The following AFF3 variants were observed in gnomAD, a reference collection of about 807,000 sequenced individuals.
AFF3 encodes AF4/FMR2 family member 3.
A neutral mutation model predicts 129.7 loss-of-function variants in AFF3; 32 were observed. The observed-to-expected ratio is 0.25, with a 90% confidence interval of 0.19 to 0.33. AFF3 has a LOEUF of 0.33. Among genes scored for constraint, AFF3 ranks in the 10% least tolerant of loss-of-function variants. The pLI, the probability that AFF3 is intolerant of heterozygous loss-of-function variation, is 1.00. For synonymous variants in AFF3, 644 were observed against 635.4 expected, an observed-to-expected ratio of 1.01 and a Z score of -0.20; for missense variants, 1,373 against 1,592.0, an observed-to-expected ratio of 0.86 and a Z score of 2.34.
intron 8 of AFF3, among the ~76,000 whole-genome samples, chr2:99,765,822 G>C (rs1682963693): frequency 6.6e-6 from 1 of 152,006 alleles, no homozygotes. Context: ...CAAACAGAAG[G>C]CTTAATAAAA....
intron 8 of AFF3, among the ~76,000 whole-genome samples, chr2:99,783,565 G>C (rs563113785): frequency 6.6e-6 from 1 of 152,190 alleles, no homozygotes; most frequent in African/African-American, 2.4e-5. Context: ...CTGTCCTAAG[G>C]ACTAAGCCAT....
chr2:99,980,645 T>C (rs928452491), intron 7 of AFF3, among the ~76,000 whole-genome samples: 1 of 152,242 alleles, frequency 6.6e-6, no homozygotes, highest in African/African-American at 2.4e-5. Flanking sequence ...TCTGTATCAA[T>C]TTTCCTTTAT....
intron 8 of AFF3, among the ~76,000 whole-genome samples, chr2:99,796,311 A>C (rs1278104656): frequency 6.6e-6 from 1 of 152,254 alleles, no homozygotes; most frequent in East Asian, 1.9e-4. Flanking sequence ...TGTGCTAACA[A>C]ATACATTACT....
intron 12 of AFF3, among the ~76,000 whole-genome samples, chr2:99,670,746 G>A (rs182071651): frequency 7.9e-5 from 12 of 152,236 alleles, no homozygotes; most frequent in Admixed American, 6.5e-4. Flanking sequence ...ACTATCATAC[G>A]CAAAACCACT....
chr2:99,863,489 T>C (rs1163896359), intron 7 of AFF3, among the ~76,000 whole-genome samples: 1 of 152,190 alleles, frequency 6.6e-6, no homozygotes, highest in African/African-American at 2.4e-5. Context: ...CTATATAAAG[T>C]ATCTTAAATA....
Position 99,546,345 on chromosome 2 carries a change from TGAG to T in AFF3, c.*5126_*5128del, listed in dbSNP as rs1674073314. 8.6e-6 allele frequency: 2 copies of T among 232,984 alleles called. No individual in the cohort carries two copies. The highest frequency in any genetic ancestry group is 1.7e-5 in the Non-Finnish European group (2 of 117,876). The allele number at this position is 232,984 out of a possible 1,614,324, so 14.4% of individuals were successfully genotyped here. ...GTTCCTGTCCCACCCATCTCTGGGA[TGAG>T]GAGTTCTCCATGGTGACCCTGAGTC... is the stretch of plus-strand genomic sequence containing the variant. On this transcript the variant is annotated 3_prime_UTR_variant, in exon 25 of 25. Coordinates refer to ENST00000672756, the MANE Select transcript of AFF3 (RefSeq NM_001386135.1).
chr2:99,791,951 T>C (rs1391729335), intron 8 of AFF3, among the ~76,000 whole-genome samples: 1 of 152,118 alleles, frequency 6.6e-6, no homozygotes, highest in African/African-American at 2.4e-5. Flanking sequence ...GCATCAGATA[T>C]GCTTCATTTG....
intron 4 of AFF3, among the ~76,000 whole-genome samples, chr2:100,045,322 G>C (rs1231565267): frequency 1.3e-5 from 2 of 152,144 alleles, no homozygotes; most frequent in Admixed American, 1.3e-4. Flanking sequence ...TTTTCTTCTC[G>C]TTCTGCCTCT....
At chr2:99,729,548 C>T (rs1450732703) in intron 10 of AFF3, among the ~76,000 whole-genome samples, 1 of 152,030 alleles carries the variant, frequency 6.6e-6, no homozygotes, top group Admixed American at 6.6e-5. Context: ...TTTTGTCCTT[C>T]AGAAAGAATA....
chr2:99,549,693 C>T lies in AFF3; in HGVS notation c.*1781G>A, dbSNP rs747470936. ...AGGCCAAAGCCAAATGCAAATTCCA[C>T]AAGCCCTTCTTATTTTCAATTAATT... On this transcript the variant is annotated 3_prime_UTR_variant, in exon 25 of 25. Transcript: ENST00000672756. 1.6e-4 allele frequency: 34 copies of T among 215,686 alleles called. No individual in the cohort carries two copies. The highest frequency in any genetic ancestry group is 2.6e-4 in the Non-Finnish European group (28 of 107,096). 13.4% of individuals were successfully genotyped at this position (215,686 alleles called of 1,614,324 possible).
intron 7 of AFF3, among the ~76,000 whole-genome samples, chr2:99,895,902 C>T: frequency 6.6e-6 from 1 of 151,840 alleles, no homozygotes; most frequent in Non-Finnish European, 1.5e-5. Context: ...AACCCCATCT[C>T]TACTAAAAAT....
At position 99,601,732 on chromosome 2, in the gene AFF3, T is replaced by C. The variant is rs1261158615; in HGVS notation, c.1185-111A>G. On this transcript the variant is annotated intron_variant, in intron 13 of 24. Transcript: ENST00000672756. ...CTAAAGAGGGAGGAGGCACGCAGCC[T>C]ACACATCTGTCAACCATGACCTGGA... The C allele has an allele frequency of 1.1e-5, 14 of 1,276,790 alleles. No homozygotes were observed. In the East Asian group the frequency reaches 3.2e-4, roughly 29 times the overall value. The allele number at this position is 1,276,790 out of a possible 1,614,324, so 79.1% of individuals were successfully genotyped here. A position where few individuals can be genotyped will look rare whatever the true frequency, so the allele number is the denominator to read the frequency against.
At chr2:99,925,252 A>T (rs185540530) in intron 7 of AFF3, among the ~76,000 whole-genome samples, 1 of 151,538 alleles carries the variant, frequency 6.6e-6, no homozygotes, top group African/African-American at 2.4e-5. Flanking sequence ...ATTATTGTAC[A>T]TTTTTTTTCC....
rs34506074 is a variant in AFF3, at chr2:100,006,668, G to A, written c.837C>T (p.Ala279=). 23,623 of 1,611,978 alleles carry A rather than the reference G, an allele frequency of 0.015. 419 individuals are homozygous for A. Among genetic ancestry groups the A allele is most frequent in the African/African-American group, 0.08 (5,968 of 74,994 alleles). The change falls in exon 7 of 25, where the codon GCC becomes GCT. Residue 279 remains alanine (A), a synonymous_variant. Coordinates refer to ENST00000672756, the MANE Select transcript of AFF3 (RefSeq NM_001386135.1). ...TGGGGATGCTGAACTTGGAGAGCTT[G>A]GCCTTGGCTCTGGCAGGCTCCGGCT... The part of the protein sequence containing the change: ...ASKPEPARAK[A]KLSKFSIPKQ...
At chr2:100,069,075 T>C (rs1687962852) in intron 4 of AFF3, among the ~76,000 whole-genome samples, 1 of 148,978 alleles carries the variant, frequency 6.7e-6, no homozygotes, top group Non-Finnish European at 1.5e-5. Context: ...CCTAGTACTC[T>C]CTAGTTATTT....
chr2:99,738,731 G>A (rs531707522), intron 10 of AFF3, among the ~76,000 whole-genome samples: 3 of 152,204 alleles, frequency 2.0e-5, no homozygotes, highest in Non-Finnish European at 4.4e-5. Flanking sequence ...ATGGCTCTTT[G>A]TAAGTGGGCA....
intron 8 of AFF3, among the ~76,000 whole-genome samples, chr2:99,805,438 C>A (rs533405000): frequency 1.3e-5 from 2 of 152,078 alleles, no homozygotes; most frequent in Non-Finnish European, 2.9e-5. Context: ...TCTGGCCTTG[C>A]GTTGTTCAGA....
chr2:99,816,019 A>G (rs1687203270), intron 8 of AFF3, among the ~76,000 whole-genome samples: 1 of 150,404 alleles, frequency 6.6e-6, no homozygotes, highest in Admixed American at 6.6e-5. Flanking sequence ...ATATTATCCA[A>G]TAGGTCTTGG....
At chr2:99,792,329 C>T (rs968748354) in intron 8 of AFF3, among the ~76,000 whole-genome samples, 2 of 152,086 alleles carry the variant, frequency 1.3e-5, no homozygotes, top group Non-Finnish European at 1.5e-5. Flanking sequence ...ATTAGCTGGG[C>T]GCACTAGCAG....
Sources: allele counts gnomAD v4.1 joint callset (sites outside exome capture counted in the v4.1 genomes callset), GRCh38; gene constraint gnomAD v4.1.1; transcripts MANE v1.5; gene names NCBI Gene and HGNC (gene_info 2026-07-23, HGNC 2026-07-21).